The following AAK1 variants were observed in gnomAD, a reference collection of about 807,000 sequenced individuals.
AAK1 encodes the protein AP2-associated protein kinase 1.
Under a neutral mutation model 116.0 loss-of-function variants are expected in AAK1, and 37 were observed. The observed-to-expected ratio is 0.32, with a 90% CI of 0.25 to 0.42. AAK1 has a LOEUF of 0.42. AAK1 is among the 10% of genes least tolerant of loss of function. AAK1 has a pLI of 1.00. For missense variants in AAK1, 919 were observed against 1,170.6 expected (o/e 0.79, Z 3.14); for synonymous variants, 458 against 439.9 (o/e 1.04, Z -0.51).
intron 2 of AAK1, among the ~76,000 whole-genome samples, chr2:69,601,828 A>G (rs1488217144): frequency 2.0e-5 from 3 of 152,234 alleles, no homozygotes; most frequent in Non-Finnish European, 4.4e-5. Flanking sequence ...TGAAAGTTTG[A>G]TAAGGAAGAG....
Position 69,467,665 on chromosome 2 carries a change from A to G in AAK1, c.*8204T>C. 1.0e-6 allele frequency: 1 copy of G among 985,350 alleles called. No homozygotes were observed. The highest frequency in any genetic ancestry group is 1.2e-6 in the Non-Finnish European group (1 of 829,910). The allele number at this position is 985,350 out of a possible 1,614,324, so 61.0% of individuals were successfully genotyped here. On this transcript the variant is annotated 3_prime_UTR_variant, in exon 22 of 22. Coordinates refer to ENST00000409085, the MANE Select transcript of AAK1 (RefSeq NM_014911.5). ...ACCTCTGTAGAGATGGAACTCAATG[A>G]TCCCCTTCCCATACTGACCCTCTCC...
At chr2:69,490,918 T>C (rs1370658965) in intron 17 of AAK1, among the ~76,000 whole-genome samples, 1 of 126,520 alleles carries the variant, frequency 7.9e-6, no homozygotes, top group South Asian at 2.7e-4. Context: ...TCTATGTGTG[T>C]GTACCCACAC....
At position 69,627,117 on chromosome 2, in the gene AAK1, C is replaced by T. The variant is rs187138517; in HGVS notation, c.163+15761G>A. Among the ~76,000 whole-genome samples, 938 of 151,886 alleles carry T rather than the reference C, an allele frequency of 6.2e-3. 5 individuals carry two copies. The highest frequency in any genetic ancestry group is 0.021 in the African/African-American group (869 of 41,438). Reference sequence around the variant, plus strand: ...AGCCTGGCCAATATGGTGAAACCCCCGTCTCTACTAAAAATACAAAAATTA... The same window carrying T: ...AGCCTGGCCAATATGGTGAAACCCCTGTCTCTACTAAAAATACAAAAATTA... On this transcript the variant is annotated intron_variant, in intron 2 of 21. Transcript: ENST00000409085.
Position 69,474,889 on chromosome 2 carries a change from C to T in AAK1, c.*980G>A, listed in dbSNP as rs758821083. The T allele has an allele frequency of 1.0e-6, 1 of 985,718 alleles. No homozygotes were observed. The highest frequency in any genetic ancestry group is 1.2e-6 in the Non-Finnish European group (1 of 829,884). The allele number at this position is 985,718 out of a possible 1,614,324, so 61.1% of individuals were successfully genotyped here. A position where few individuals can be genotyped will look rare whatever the true frequency, so the allele number is the denominator to read the frequency against. ...ACTATTCAGCATCTTCATTTATACA[C>T]AATTTACAATATTTGATTCAAAATA... On this transcript the variant is annotated 3_prime_UTR_variant, in exon 22 of 22. Coordinates refer to ENST00000409085, the MANE Select transcript of AAK1 (RefSeq NM_014911.5).
At chr2:69,539,364 C>CA (rs770515474) in intron 5 of AAK1, among the ~76,000 whole-genome samples, 6 of 152,138 alleles carry the variant, frequency 3.9e-5, no homozygotes, top group Non-Finnish European at 8.8e-5. Context: ...GGTGCAGAGT[C>CA]AGAGTTCACA....
At chr2:69,509,514 G>A in intron 13 of AAK1, 54 bp from the exon 14 acceptor site, 4 of 1,457,558 alleles carry the variant, frequency 2.7e-6, no homozygotes, top group Non-Finnish European at 3.7e-6. Context: ...AAAAGTTAAA[G>A]GAAAAACAAA....
chr2:69,620,013 T>C (rs943361037), intron 2 of AAK1, among the ~76,000 whole-genome samples: 5 of 152,136 alleles, frequency 3.3e-5, no homozygotes, highest in African/African-American at 1.2e-4. Context: ...ATGAAATGAT[T>C]GGCACTTTAA....
chr2:69,564,432 G>A (rs1047533691), intron 2 of AAK1, among the ~76,000 whole-genome samples: 15 of 151,502 alleles, frequency 9.9e-5, no homozygotes, highest in African/African-American at 3.4e-4. Flanking sequence ...AAAAAAAGGA[G>A]CAATTCTGCT....
At chr2:69,620,551 CT>C in intron 2 of AAK1, among the ~76,000 whole-genome samples, 1 of 152,350 alleles carries the variant, frequency 6.6e-6, no homozygotes, top group African/African-American at 2.4e-5. Context: ...TCTGAATGCT[CT>C]TGCAGAGGTC....
chr2:69,633,286 A>T (rs1454641406), intron 2 of AAK1, among the ~76,000 whole-genome samples: 11 of 151,294 alleles, frequency 7.3e-5, no homozygotes, highest in Non-Finnish European at 1.5e-4. Flanking sequence ...AGAAAGCAGC[A>T]GTCCCTTCCA....
At position 69,468,637 on chromosome 2, in the gene AAK1, G is replaced by T. The variant is rs1270286651; in HGVS notation, c.*7232C>A. 3 of 985,318 alleles carry T rather than the reference G, an allele frequency of 3.0e-6. No homozygotes were observed. In the African/African-American group the frequency reaches 5.2e-5, roughly 17 times the overall value. 61.0% of individuals were successfully genotyped at this position (985,318 alleles called of 1,614,324 possible). On this transcript the variant is annotated 3_prime_UTR_variant, in exon 22 of 22. Transcript: ENST00000409085. ...GAACACTAGTTTGAACAGAGTCAGT[G>T]TTTTTTGGAAATTTAAACTGAATTC...
rs201300371 is a variant in AAK1, at chr2:69,461,386, G to GT, written c.*14482dup. ...CCTCATCATTAAGTGGGGCATGACTGTATTTTTTTTTCTCTTTAAGGAAAT... is the reference window on the plus strand; with the variant it reads ...CCTCATCATTAAGTGGGGCATGACTGTTATTTTTTTTTCTCTTTAAGGAAAT... On this transcript the variant is annotated 3_prime_UTR_variant, in exon 22 of 22. Coordinates refer to ENST00000409085, the MANE Select transcript of AAK1 (RefSeq NM_014911.5). 7.9e-3 allele frequency: 1,855 copies of GT among 234,242 alleles called. 19 individuals carry two copies. Among genetic ancestry groups the GT allele is most frequent in the Middle Eastern group, 0.018 (11 of 596 alleles). 14.5% of individuals were successfully genotyped at this position (234,242 alleles called of 1,614,324 possible). A position where few individuals can be genotyped will look rare whatever the true frequency, so the allele number is the denominator to read the frequency against.
chr2:69,586,637 G>C (rs1257306784), intron 2 of AAK1, among the ~76,000 whole-genome samples: 8 of 152,156 alleles, frequency 5.3e-5, no homozygotes, highest in Non-Finnish European at 1.2e-4. Context: ...ATGAAGGAGT[G>C]TCTGGCTTCT....
At chr2:69,505,144 C>G (rs1676135546) in intron 16 of AAK1, among the ~76,000 whole-genome samples, 1 of 152,156 alleles carries the variant, frequency 6.6e-6, no homozygotes, top group Non-Finnish European at 1.5e-5. Flanking sequence ...CCCACACACA[C>G]ACACACACAC....
At position 69,475,332 on chromosome 2, in the gene AAK1, T is replaced by C; in HGVS notation, c.*537A>G. On this transcript the variant is annotated 3_prime_UTR_variant, in exon 22 of 22. Transcript: ENST00000409085. Reference sequence around the variant, plus strand: ...ACTACCAGTCAGTAAGTTTTACCCTTTCTTAAACCACACACCCATCTCCAG... The same window carrying C: ...ACTACCAGTCAGTAAGTTTTACCCTCTCTTAAACCACACACCCATCTCCAG... 1.0e-6 allele frequency: 1 copy of C among 986,544 alleles called. No homozygotes were observed. The highest frequency in any genetic ancestry group is 1.2e-6 in the Non-Finnish European group (1 of 830,564). The allele number at this position is 986,544 out of a possible 1,614,324, so 61.1% of individuals were successfully genotyped here.
At chr2:69,605,216 G>A (rs1673747684) in intron 2 of AAK1, among the ~76,000 whole-genome samples, 1 of 152,014 alleles carries the variant, frequency 6.6e-6, no homozygotes, top group Non-Finnish European at 1.5e-5. Flanking sequence ...ACTACTAAAA[G>A]CCAGCACACA....
intron 2 of AAK1, among the ~76,000 whole-genome samples, chr2:69,565,490 T>C (rs1671825117): frequency 6.6e-6 from 1 of 152,330 alleles, no homozygotes; most frequent in South Asian, 2.1e-4. Flanking sequence ...GTGAAAAGCC[T>C]AAGCATCCTC....
At chr2:69,603,054 G>A (rs1673647712) in intron 2 of AAK1, among the ~76,000 whole-genome samples, 1 of 152,048 alleles carries the variant, frequency 6.6e-6, no homozygotes, top group African/African-American at 2.4e-5. Flanking sequence ...ATGGATGGAG[G>A]GATGGACAAA....
At chr2:69,618,799 T>C (rs908069760) in intron 2 of AAK1, among the ~76,000 whole-genome samples, 2 of 152,056 alleles carry the variant, frequency 1.3e-5, no homozygotes, top group South Asian at 2.1e-4. Context: ...GTCCTCTCAA[T>C]GACCTACACA....
Sources: gnomAD v4.1 joint callset for allele counts (sites outside exome capture counted in the v4.1 genomes callset) on GRCh38, gnomAD v4.1.1 for gene constraint, MANE v1.5 for transcripts, NCBI Gene and HGNC (gene_info 2026-07-23, HGNC 2026-07-21) for gene names.